Variants in CNTNAP4 observed in about 807,000 individuals in gnomAD.
The protein encoded by CNTNAP4 is contactin-associated protein-like 4.
In CNTNAP4, 98 loss-of-function variants were observed where a neutral mutation model predicts 148.4. That is an observed-to-expected ratio of 0.66 (90% CI 0.56 to 0.78). CNTNAP4 has a LOEUF of 0.78. Among genes scored for constraint, CNTNAP4 ranks in the 30% least tolerant of loss-of-function variants. The probability of loss-of-function intolerance (pLI) is 0.00; values close to 1 mark genes in which losing one functional copy is unlikely to be tolerated. For missense variants in CNTNAP4, 1,935 were observed against 1,565.6 expected (o/e 1.24, Z -3.98); for synonymous variants, 730 against 565.1 (o/e 1.29, Z -4.14).
chr16:76,427,536 C>T lies in CNTNAP4; in HGVS notation c.475C>T (p.Pro159Ser), dbSNP rs973366146. Residue 159 changes from proline (P) to serine (S), a missense_variant, in exon 4 of 24, where the codon CCT becomes TCT. Physicochemically the swap from Pro to Ser is moderately conservative, Grantham distance 74 (BLOSUM62 -1). Transcript: ENST00000611870. The stretch of plus-strand genomic sequence containing the variant: ...CAAAGCCAGATTTCTGCGCTTCATC[C>T]CTTTGGAATGGAACCCCAAGGGCAG... ...SIKARFLRFI[P>S]LEWNPKGRIG... 10 of 1,612,962 alleles carry T rather than the reference C, an allele frequency of 6.2e-6. No individual in the cohort carries two copies. The Admixed American group carries it at 6.7e-5, about 11-fold the overall frequency.
chr16:76,521,771 C>T (rs918736197), intron 16 of CNTNAP4, among the ~76,000 whole-genome samples: 7 of 151,570 alleles, frequency 4.6e-5, no homozygotes, highest in African/African-American at 7.3e-5. Context: ...TACTTTTTAT[C>T]GATAGGAAAA....
At chr16:76,499,405 C>G (rs1286021414) in intron 15 of CNTNAP4, among the ~76,000 whole-genome samples, 4 of 151,768 alleles carry the variant, frequency 2.6e-5, no homozygotes, top group Non-Finnish European at 5.9e-5. Context: ...TGACACTGAC[C>G]AGTTAAGAAT....
At chr16:76,529,358 G>A (rs750896833) in intron 17 of CNTNAP4, among the ~76,000 whole-genome samples, 6 of 152,094 alleles carry the variant, frequency 3.9e-5, no homozygotes, top group Admixed American at 1.3e-4. Flanking sequence ...TATTGAACAC[G>A]TGCCCTTGAC....
intron 4 of CNTNAP4, among the ~76,000 whole-genome samples, chr16:76,428,989 T>G (rs1397282830): frequency 1.3e-5 from 2 of 152,124 alleles, no homozygotes; most frequent in Non-Finnish European, 2.9e-5. Context: ...AGAGCTGGGT[T>G]TGCAGCCAAG....
At chr16:76,540,143 G>T (rs187040683) in intron 20 of CNTNAP4, among the ~76,000 whole-genome samples, 62 of 152,118 alleles carry the variant, frequency 4.1e-4, no homozygotes, top group Admixed American at 2.9e-3. Flanking sequence ...TAATGAAACC[G>T]GTTTACTTTA....
intron 17 of CNTNAP4, among the ~76,000 whole-genome samples, chr16:76,523,408 C>T (rs1400574659): frequency 6.6e-6 from 1 of 151,932 alleles, no homozygotes; most frequent in African/African-American, 2.4e-5. Context: ...TGGTCACCTT[C>T]TTAATATTTA....
intron 3 of CNTNAP4, among the ~76,000 whole-genome samples, chr16:76,425,690 G>A (rs922577719): frequency 6.6e-6 from 1 of 152,158 alleles, no homozygotes; most frequent in Non-Finnish European, 1.5e-5. Context: ...GAGAGGCAGG[G>A]CATGCAAAGA....
intron 8 of CNTNAP4, among the ~76,000 whole-genome samples, chr16:76,460,773 A>AAAAAAATATAT: frequency 1.7e-5 from 1 of 57,322 alleles, no homozygotes; most frequent in Non-Finnish European, 3.3e-5. Flanking sequence ...AAAAAAAAAA[A>AAAAAAATATAT]ATATATATAT....
At chr16:76,419,182 G>A (rs1488474496) in intron 3 of CNTNAP4, among the ~76,000 whole-genome samples, 1 of 151,786 alleles carries the variant, frequency 6.6e-6, no homozygotes, top group Admixed American at 6.6e-5. Flanking sequence ...TGTCTTTCCT[G>A]GCTACTAGGT....
chr16:76,308,339 C>T (rs773454652), intron 1 of CNTNAP4, among the ~76,000 whole-genome samples: 5 of 152,246 alleles, frequency 3.3e-5, no homozygotes, highest in African/African-American at 7.2e-5. Flanking sequence ...GGATGAGAGA[C>T]GATGCCAGGA....
At position 76,368,168 on chromosome 16, in the gene CNTNAP4, A is replaced by G. The variant is rs568350947; in HGVS notation, c.390+12657A>G. Among the ~76,000 whole-genome samples the G allele has an allele frequency of 2.0e-5, 3 of 152,316 alleles. No homozygotes were observed. The South Asian group carries it at 6.2e-4, about 32-fold the overall frequency. ...CCATTCATCTTAGATTCTCCTGCAC[A>G]TTCTTTGAGTTAATGTTGCAAGAAG... On this transcript the variant is annotated intron_variant, in intron 3 of 23. Coordinates refer to ENST00000611870, the MANE Select transcript of CNTNAP4 (RefSeq NM_033401.5).
At chr16:76,444,357 C>A (rs1037924398) in intron 4 of CNTNAP4, among the ~76,000 whole-genome samples, 1 of 152,072 alleles carries the variant, frequency 6.6e-6, no homozygotes, top group Non-Finnish European at 1.5e-5. Context: ...ATTAAATAAT[C>A]TTTACCTGTT....
At chr16:76,482,823 G>A (rs2081884971) in intron 12 of CNTNAP4, among the ~76,000 whole-genome samples, 1 of 152,170 alleles carries the variant, frequency 6.6e-6, no homozygotes, top group Non-Finnish European at 1.5e-5. Context: ...TGGGCCAATG[G>A]AAATAATATC....
chr16:76,550,971 C>T (rs951494590), intron 21 of CNTNAP4, among the ~76,000 whole-genome samples: 4 of 152,138 alleles, frequency 2.6e-5, no homozygotes, highest in African/African-American at 9.7e-5. Context: ...AGATCCCTCA[C>T]AACAGGAAAG....
chr16:76,381,991 G>A (rs937831021), intron 3 of CNTNAP4, among the ~76,000 whole-genome samples: 2 of 150,904 alleles, frequency 1.3e-5, no homozygotes, highest in Non-Finnish European at 2.9e-5. Flanking sequence ...AACCCAGGAG[G>A]CGGAGCTTGC....
In CNTNAP4 at chr16:76,553,882, C is replaced by A; in HGVS notation, c.3708C>A (p.Ile1236=). 6.2e-7 allele frequency: 1 copy of A among 1,610,302 alleles called. No homozygotes were observed. The highest frequency in any genetic ancestry group is 1.1e-5 in the South Asian group (1 of 90,834). ...ACAGAGAGCCCCTTGCTAATGCAATCAAAAGTGACTCTGCAGTAATTGGAG... is the reference window on the plus strand; with the variant it reads ...ACAGAGAGCCCCTTGCTAATGCAATAAAAAGTGACTCTGCAGTAATTGGAG... ...IDDREPLANA[I]KSDSAVIGGL... is the part of the protein sequence containing the mutation. The change falls in exon 23 of 24, where the codon ATC becomes ATA. Residue 1236 remains isoleucine (I), a synonymous_variant. Coordinates refer to ENST00000611870, the MANE Select transcript of CNTNAP4 (RefSeq NM_033401.5).
At chr16:76,557,790 G>GA (rs1350711404) in intron 23 of CNTNAP4, 2 of 152,288 alleles carry the variant, frequency 1.3e-5, no homozygotes, top group Admixed American at 6.5e-5. Flanking sequence ...GAATTATCAT[G>GA]AAATAGTTTT....
chr16:76,337,940 A>G (rs1445336557), intron 2 of CNTNAP4, among the ~76,000 whole-genome samples: 1 of 152,186 alleles, frequency 6.6e-6, no homozygotes, highest in African/African-American at 2.4e-5. Context: ...TTCCCTGAAG[A>G]TCGCTGTTGT....
intron 13 of CNTNAP4, among the ~76,000 whole-genome samples, chr16:76,491,790 C>T (rs553701572): frequency 6.6e-6 from 1 of 152,106 alleles, no homozygotes; most frequent in South Asian, 2.1e-4. Context: ...TAATGCCCTT[C>T]ATGTTCATCC....
Sources: gnomAD v4.1 joint callset for allele counts (sites outside exome capture counted in the v4.1 genomes callset) on GRCh38, gnomAD v4.1.1 for gene constraint, MANE v1.5 for transcripts, NCBI Gene and HGNC (gene_info 2026-07-23, HGNC 2026-07-21) for gene names.